Variants in SUMO2 observed in about 807,000 individuals in gnomAD.
SUMO2 encodes the protein small ubiquitin like modifier 2.
SUMO2 carries 1 observed loss-of-function variant against 16.0 expected under a neutral mutation model. The observed-to-expected ratio is 0.06, with a 90% CI of 0.02 to 0.30. The LOEUF (loss-of-function observed/expected upper bound fraction) is 0.30, where lower values mean the gene tolerates loss of function less well. Among genes scored for constraint, SUMO2 ranks in the 10% least tolerant of loss-of-function variants. The pLI, the probability that SUMO2 is intolerant of heterozygous loss-of-function variation, is 1.00. For missense variants in SUMO2, 16 were observed against 117.5 expected, an observed-to-expected ratio of 0.14 and a Z score of 3.99; for synonymous variants, 36 against 40.6, an observed-to-expected ratio of 0.89 and a Z score of 0.43.
intron 1 of SUMO2, 156 bp downstream of exon 1, chr17:75,182,658 G>T: frequency 2.1e-6 from 1 of 482,166 alleles, no homozygotes; most frequent in Non-Finnish European, 3.1e-6. Flanking sequence ...GAGAGGGAGG[G>T]AGGAAAATGG....
At chr17:75,172,428 T>C (rs894806222) in intron 3 of SUMO2, among the ~76,000 whole-genome samples, 3 of 150,912 alleles carry the variant, frequency 2.0e-5, no homozygotes, top group Admixed American at 6.7e-5. Context: ...CAGGTGATTC[T>C]CCTGCCTCAG....
At chr17:75,181,995 T>C (rs1419212111) in intron 1 of SUMO2, among the ~76,000 whole-genome samples, 1 of 151,744 alleles carries the variant, frequency 6.6e-6, no homozygotes, top group Non-Finnish European at 1.5e-5. Flanking sequence ...GCCACCAAAC[T>C]AAAAGCAGCA....
Position 75,167,874 on chromosome 17 carries a change from T to C in SUMO2, c.*465A>G, listed in dbSNP as rs536819742. ...GTAACAGCTACGTACAAAAAAGTTA[T>C]AAAATTGTCCTTGGTTTTACAATGA... On this transcript the variant is annotated 3_prime_UTR_variant, in exon 4 of 4. Coordinates refer to ENST00000420826, the MANE Select transcript of SUMO2 (RefSeq NM_006937.4). 4.3e-5 allele frequency: 7 copies of C among 163,782 alleles called. No individual in the cohort carries two copies. The highest frequency in any genetic ancestry group is 8.8e-5 in the Non-Finnish European group (6 of 68,286). The allele number at this position is 163,782 out of a possible 1,614,324, so 10.1% of individuals were successfully genotyped here.
intron 2 of SUMO2, among the ~76,000 whole-genome samples, chr17:75,177,308 G>A (rs2074790392): frequency 6.6e-6 from 1 of 151,642 alleles, no homozygotes; most frequent in African/African-American, 2.4e-5. Context: ...AGAGGTTGCA[G>A]TGAGCTGAGA....
chr17:75,173,143 T>C (rs1004863839), intron 3 of SUMO2, among the ~76,000 whole-genome samples: 2 of 152,282 alleles, frequency 1.3e-5, no homozygotes, highest in African/African-American at 4.8e-5. Flanking sequence ...ATCACAACAT[T>C]GTAAAATATG....
chr17:75,182,565 C>T (rs1164210723), intron 1 of SUMO2: 4 of 290,782 alleles, frequency 1.4e-5, no homozygotes. Context: ...TTTCTGCCCG[C>T]CCAACTCGCG....
intron 2 of SUMO2, among the ~76,000 whole-genome samples, chr17:75,176,222 T>A (rs2074781546): frequency 6.6e-6 from 1 of 152,020 alleles, no homozygotes; most frequent in Non-Finnish European, 1.5e-5. Flanking sequence ...TGTATTTTAG[T>A]AGAGATGGGG....
chr17:75,170,750 T>C (rs2074731316), intron 3 of SUMO2, among the ~76,000 whole-genome samples: 1 of 149,752 alleles, frequency 6.7e-6, no homozygotes, highest in African/African-American at 2.5e-5. Flanking sequence ...CTCAGGAGGC[T>C]GAGGCAGGAG....
chr17:75,179,794 G>A (rs954180259), intron 2 of SUMO2, among the ~76,000 whole-genome samples: 1 of 151,908 alleles, frequency 6.6e-6, no homozygotes, highest in Admixed American at 6.6e-5. Flanking sequence ...GAGTAGGTGG[G>A]ATTATGCGCG....
At chr17:75,178,509 CAAAA>C (rs545816366) in intron 2 of SUMO2, among the ~76,000 whole-genome samples, 1 of 74,846 alleles carries the variant, frequency 1.3e-5, no homozygotes. Context: ...GCGAGACTCT[CAAAA>C]AAAAAAAAAA....
At chr17:75,175,314 T>C (rs1446485902) in intron 2 of SUMO2, among the ~76,000 whole-genome samples, 1 of 150,800 alleles carries the variant, frequency 6.6e-6, no homozygotes, top group Non-Finnish European at 1.5e-5. Context: ...AGATGTAGTA[T>C]TTTTTTTCCT....
At chr17:75,182,723 G>T in intron 1 of SUMO2, 91 bp downstream of exon 1, 2 of 1,148,158 alleles carry the variant, frequency 1.7e-6, no homozygotes, top group Non-Finnish European at 1.1e-6. Flanking sequence ...CCGGGAAAGC[G>T]CTGGGAGCCA....
chr17:75,176,653 C>T (rs571737530), intron 2 of SUMO2, among the ~76,000 whole-genome samples: 1 of 151,882 alleles, frequency 6.6e-6, no homozygotes, highest in Non-Finnish European at 1.5e-5. Context: ...ACCTAAAATG[C>T]CCCAACCTAC....
intron 1 of SUMO2, among the ~76,000 whole-genome samples, chr17:75,181,708 A>T (rs930907452): frequency 6.6e-6 from 1 of 152,290 alleles, no homozygotes; most frequent in Middle Eastern, 3.4e-3. Context: ...AACAAAAAAA[A>T]CAATCGAAGA....
At chr17:75,181,926 A>G (rs2074832137) in intron 1 of SUMO2, among the ~76,000 whole-genome samples, 1 of 152,150 alleles carries the variant, frequency 6.6e-6, no homozygotes, top group South Asian at 2.1e-4. Context: ...AATCGAGTGC[A>G]GAAGCAATTC....
chr17:75,173,939 G>A (rs2074761782), intron 3 of SUMO2, among the ~76,000 whole-genome samples: 1 of 152,230 alleles, frequency 6.6e-6, no homozygotes, highest in Non-Finnish European at 1.5e-5. Context: ...GGATCAGAGA[G>A]CATCACGTTT....
intron 3 of SUMO2, among the ~76,000 whole-genome samples, chr17:75,172,223 G>A (rs1393128267): frequency 6.6e-6 from 1 of 151,188 alleles, no homozygotes; most frequent in African/African-American, 2.4e-5. Context: ...GGGTAGTTTC[G>A]CCATGTTGGC....
chr17:75,180,577 GCC>G (rs1240849588), intron 2 of SUMO2, among the ~76,000 whole-genome samples: 1 of 151,638 alleles, frequency 6.6e-6, no homozygotes, highest in African/African-American at 2.4e-5. Context: ...AATTGGCCAG[GCC>G]TGGTAGTGGG....
At chr17:75,177,231 G>A (rs1451710051) in intron 2 of SUMO2, among the ~76,000 whole-genome samples, 1 of 151,928 alleles carries the variant, frequency 6.6e-6, no homozygotes, top group Non-Finnish European at 1.5e-5. Context: ...AGCCAGGCTA[G>A]GTGGCAGGCG....
Sources: gnomAD v4.1 joint callset for allele counts (sites outside exome capture counted in the v4.1 genomes callset) on GRCh38, gnomAD v4.1.1 for gene constraint, MANE v1.5 for transcripts, NCBI Gene and HGNC (gene_info 2026-07-23, HGNC 2026-07-21) for gene names.